INPP1: variants seen among roughly 807,000 people sequenced by gnomAD.
INPP1 encodes inositol polyphosphate-1-phosphatase.
INPP1 carries 18 observed loss-of-function variants against 23.0 expected under a neutral mutation model. The ratio of observed to expected loss-of-function variants is 0.78; its 90% confidence interval spans 0.54 to 1.16. The LOEUF is 1.16. Among genes scored for constraint, INPP1 ranks in the 50% most tolerant of loss-of-function variants. The pLI is 0.00. For missense variants in INPP1, 448 were observed against 482.1 expected (o/e 0.93, Z 0.66); for synonymous variants, 164 against 176.3 (o/e 0.93, Z 0.55).
At chr2:190,351,205 G>C (rs1351371404) in intron 2 of INPP1, among the ~76,000 whole-genome samples, 1 of 152,244 alleles carries the variant, frequency 6.6e-6, no homozygotes, top group African/African-American at 2.4e-5. Context: ...AGCTGGGATA[G>C]AGATTTGGCC....
rs1005266739 is a variant in INPP1 at position 190,345,883 on chromosome 2, A to G, written c.-209+1922A>G. Among the ~76,000 whole-genome samples the G allele has an allele frequency of 6.6e-6, 1 of 152,204 alleles. No individual in the cohort carries two copies. The highest frequency in any genetic ancestry group is 2.1e-4 in the South Asian group (1 of 4,830). Reference sequence around the variant, plus strand: ...GTAGCAAGCACCTGTAGTCCCAGCTATTCAGGAGGCTGAGGCTGGAGGATC... The same window carrying G: ...GTAGCAAGCACCTGTAGTCCCAGCTGTTCAGGAGGCTGAGGCTGGAGGATC... On this transcript the variant is annotated intron_variant, in intron 1 of 6. Transcript: ENST00000392329. This position sits in a 1 kb window ranked among gnomAD's most constrained non-coding sequence, Gnocchi z 4.9.
intron 4 of INPP1, among the ~76,000 whole-genome samples, chr2:190,366,482 G>A (rs959214152): frequency 7.3e-6 from 1 of 136,780 alleles, no homozygotes; most frequent in African/African-American, 2.8e-5. Flanking sequence ...TCGCTCTTTT[G>A]CTGTGTCTCT....
rs1482300808 is a variant in INPP1 at position 190,346,487 on chromosome 2, T to A, written c.-208-2401T>A. Among the ~76,000 whole-genome samples, 6 of 152,234 alleles carry A rather than the reference T, an allele frequency of 3.9e-5. No homozygotes were observed. Among genetic ancestry groups the A allele is most frequent in the Non-Finnish European group, 8.8e-5 (6 of 68,040 alleles). On this transcript the variant is annotated intron_variant, in intron 1 of 6. Coordinates refer to ENST00000392329, the MANE Select transcript of INPP1 (RefSeq NM_001128928.2). The surrounding 1 kb of genome is among the most constrained non-coding windows in gnomAD (Gnocchi z 5.1). ...TTTTGCATGTTTAGTCTTTTTTATG[T>A]GGTATGTAATGTTAATTCAATTTCT...
At chr2:190,359,571 A>AG (rs1689494371) in intron 2 of INPP1, 1 of 115,708 alleles carries the variant, frequency 8.6e-6, no homozygotes, top group African/African-American at 5.2e-5. Flanking sequence ...AAAAAAAAAA[A>AG]AGAAAGAAAA....
rs1225063043 is a variant in INPP1 at position 190,355,659 on chromosome 2, A to G, written c.-64-4380A>G. On this transcript the variant is annotated intron_variant, in intron 2 of 6. Coordinates refer to ENST00000392329, the MANE Select transcript of INPP1 (RefSeq NM_001128928.2). This position sits in a 1 kb window ranked among gnomAD's most constrained non-coding sequence, Gnocchi z 5.1. ...ATACTAATCAAAAGGAATTTCTTCTATAGTCAAGGCTATTAAATTATGGTA... is the reference window on the plus strand; with the variant it reads ...ATACTAATCAAAAGGAATTTCTTCTGTAGTCAAGGCTATTAAATTATGGTA... 6.6e-6 allele frequency among the ~76,000 whole-genome samples: 1 copy of G among 152,246 alleles called. No homozygotes were observed. The highest frequency in any genetic ancestry group is 1.5e-5 in the Non-Finnish European group (1 of 68,042).
chr2:190,359,775 T>C, intron 2 of INPP1: 1 of 296,810 alleles, frequency 3.4e-6, no homozygotes, highest in South Asian at 3.6e-5. Context: ...GATTTAGATT[T>C]TCATTCAAAG....
At chr2:190,364,786 A>G (rs1689611933) in intron 4 of INPP1, among the ~76,000 whole-genome samples, 1 of 151,590 alleles carries the variant, frequency 6.6e-6, no homozygotes, top group Non-Finnish European at 1.5e-5. Flanking sequence ...TACTTTTATT[A>G]GAGACAGGGG....
At chr2:190,365,422 C>T (rs967065701) in intron 4 of INPP1, among the ~76,000 whole-genome samples, 1 of 152,082 alleles carries the variant, frequency 6.6e-6, no homozygotes, top group Non-Finnish European at 1.5e-5. Context: ...GTTGAAAAAC[C>T]TCCATTCTTT....
intron 2 of INPP1, among the ~76,000 whole-genome samples, chr2:190,349,268 C>A (rs1689282207): frequency 1.3e-5 from 2 of 152,048 alleles, no homozygotes; most frequent in Admixed American, 6.5e-5. Flanking sequence ...TGAAACCCAT[C>A]TCTACTAAAA....
In INPP1 at chr2:190,343,971, T is replaced by C; in HGVS notation, c.-209+10T>C. 3.7e-6 allele frequency: 1 copy of C among 273,716 alleles called. No individual in the cohort carries two copies. Among genetic ancestry groups the C allele is most frequent in the Non-Finnish European group, 7.8e-6 (1 of 127,514 alleles). 17.0% of individuals were successfully genotyped at this position (273,716 alleles called of 1,614,324 possible). The stretch of plus-strand genomic sequence containing the variant: ...CTCATCCCCGGCTTAGGTAACACGT[T>C]TTCCTCCTTACGACACCCACCACAG... On this transcript the variant is annotated intron_variant, in intron 1 of 6. Transcript: ENST00000392329.
rs979329 is a variant in INPP1, at chr2:190,346,887, G to A, written c.-208-2001G>A. Among the ~76,000 whole-genome samples the A allele has an allele frequency of 0.57, 86,881 of 151,742 alleles. 27,540 individuals are homozygous for A. Among genetic ancestry groups the A allele is most frequent in the South Asian group, 0.73 (3,502 of 4,818 alleles). ...CCCAAAATGCTGGGACTACAGGTGT[G>A]AGCTGCTGCACCCAGCCTAATTTCT... On this transcript the variant is annotated intron_variant, in intron 1 of 6. Coordinates refer to ENST00000392329, the MANE Select transcript of INPP1 (RefSeq NM_001128928.2). This position sits in a 1 kb window ranked among gnomAD's most constrained non-coding sequence, Gnocchi z 5.1.
At chr2:190,358,304 T>C (rs1376109747) in intron 2 of INPP1, among the ~76,000 whole-genome samples, 2 of 152,182 alleles carry the variant, frequency 1.3e-5, no homozygotes, top group Non-Finnish European at 2.9e-5. Context: ...TTTGAACTCC[T>C]GACCTCAGGT....
Position 190,370,872 on chromosome 2 carries a change from T to G in INPP1, c.670T>G (p.Ser224Ala). ...RWKGQCYWGL[S>A]YMGTNMHSLQ... ...GAAAGGACAGTGCTATTGGGGCCTT[T>G]CTTACATGGGGACCAACATGCATTC... The change falls in exon 7 of 7, where the codon TCT (serine) becomes GCT (alanine). Residue 224 changes from serine (S) to alanine (A), a missense_variant. Ser to Ala is a moderately conservative substitution (Grantham distance 99). Coordinates refer to ENST00000392329, the MANE Select transcript of INPP1 (RefSeq NM_001128928.2). 6.2e-7 allele frequency: 1 copy of G among 1,612,870 alleles called. No individual in the cohort carries two copies. The highest frequency in any genetic ancestry group is 8.5e-7 in the Non-Finnish European group (1 of 1,179,156).
rs1031972307 is a variant in INPP1 at position 190,354,669 on chromosome 2, A to C, written c.-64-5370A>C. 1.1e-4 allele frequency among the ~76,000 whole-genome samples: 17 copies of C among 152,212 alleles called. No individual in the cohort carries two copies. The highest frequency in any genetic ancestry group is 2.4e-4 in the Non-Finnish European group (16 of 68,034). On this transcript the variant is annotated intron_variant, in intron 2 of 6. Coordinates refer to ENST00000392329, the MANE Select transcript of INPP1 (RefSeq NM_001128928.2). The surrounding 1 kb of genome is among the most constrained non-coding windows in gnomAD (Gnocchi z 4.8). ...ACTTCCAGTCCCCAGAACTGTGAGA[A>C]AGTGCGATTTTATTGTTAAGCTACC...
rs1575794876 is a variant in INPP1 at position 190,371,111 on chromosome 2, C to T, written c.909C>T (p.Asp303=). Residue 303 remains aspartate (D), a synonymous_variant, in exon 7 of 7, where the codon GAC becomes GAT. Transcript: ENST00000392329. The surrounding 1 kb of genome is among the most constrained non-coding windows in gnomAD (Gnocchi z 5.3). ...TATGTGTTGTCCAAGGCCTCGTTGACATTTACATCTTTTCAGAAGATACCA... is the reference window on the plus strand; with the variant it reads ...TATGTGTTGTCCAAGGCCTCGTTGATATTTACATCTTTTCAGAAGATACCA... ...KSLCVVQGLV[D]IYIFSEDTTF... The T allele has an allele frequency of 6.2e-7, 1 of 1,614,198 alleles. No homozygotes were observed. Among genetic ancestry groups the T allele is most frequent in the East Asian group, 2.2e-5 (1 of 44,888 alleles).
intron 2 of INPP1, among the ~76,000 whole-genome samples, chr2:190,351,129 A>G (rs914244629): frequency 3.9e-5 from 6 of 152,248 alleles, no homozygotes; most frequent in African/African-American, 1.4e-4. Flanking sequence ...GAGTCCTAAG[A>G]CAGCAAATGC....
rs1689200672 is a variant in INPP1 at position 190,345,622 on chromosome 2, G to A, written c.-209+1661G>A. ...ACTTTTTCCCGATGTGAGTCCTTAT[G>A]AATGTTCTTGTTAAAATACTTTGAA... On this transcript the variant is annotated intron_variant, in intron 1 of 6. Coordinates refer to ENST00000392329, the MANE Select transcript of INPP1 (RefSeq NM_001128928.2). The surrounding 1 kb of genome is among the most constrained non-coding windows in gnomAD (Gnocchi z 4.9). 1 of 152,224 alleles carries A rather than the reference G, an allele frequency of 6.6e-6. No individual in the cohort carries two copies. Among genetic ancestry groups the A allele is most frequent in the African/African-American group, 2.4e-5 (1 of 41,442 alleles). The allele number at this position is 152,224 out of a possible 1,614,324, so 9.4% of individuals were successfully genotyped here.
rs1029900361 is a variant in INPP1 at position 190,345,916 on chromosome 2, C to A, written c.-209+1955C>A. Among the ~76,000 whole-genome samples, 1 of 152,172 alleles carries A rather than the reference C, an allele frequency of 6.6e-6. No homozygotes were observed. Among genetic ancestry groups the A allele is most frequent in the African/African-American group, 2.4e-5 (1 of 41,436 alleles). On this transcript the variant is annotated intron_variant, in intron 1 of 6. Coordinates refer to ENST00000392329, the MANE Select transcript of INPP1 (RefSeq NM_001128928.2). This position sits in a 1 kb window ranked among gnomAD's most constrained non-coding sequence, Gnocchi z 4.9. ...GGCTGAGGCTGGAGGATCCCTGGAACCTAGGAATCAGAGGTTGCAGTGAGC... is the reference window on the plus strand; with the variant it reads ...GGCTGAGGCTGGAGGATCCCTGGAAACTAGGAATCAGAGGTTGCAGTGAGC...
chr2:190,344,007 C>A, intron 1 of INPP1, 46 bp downstream of exon 1: 1 of 332,190 alleles, frequency 3.0e-6, no homozygotes, highest in Non-Finnish European at 6.3e-6. Flanking sequence ...GGTCCCCGCG[C>A]CGCTGCCCCT....
Sources: allele counts gnomAD v4.1 joint callset (sites outside exome capture counted in the v4.1 genomes callset), GRCh38; gene constraint gnomAD v4.1.1; non-coding constraint Gnocchi (gnomAD v3.1); transcripts MANE v1.5; gene names NCBI Gene and HGNC (gene_info 2026-07-23, HGNC 2026-07-21).